Variants in GATAD2A observed in about 807,000 individuals in gnomAD.
GATAD2A encodes GATA zinc finger domain containing 2A.
A neutral mutation model predicts 68.5 loss-of-function variants in GATAD2A; 12 were observed. The ratio of observed to expected loss-of-function variants is 0.18; its 90% CI spans 0.11 to 0.28. GATAD2A has a LOEUF of 0.28. GATAD2A is among the 10% of genes least tolerant of loss of function. The pLI is 1.00. For missense variants in GATAD2A, 755 were observed against 868.5 expected (o/e 0.87, Z 1.64); for synonymous variants, 410 against 375.3 (o/e 1.09, Z -1.07).
At chr19:19,500,489 C>T (rs754295162) in intron 8 of GATAD2A, among the ~76,000 whole-genome samples, 2 of 152,246 alleles carry the variant, frequency 1.3e-5, no homozygotes, top group Admixed American at 6.5e-5. Context: ...CCAGACCTCA[C>T]GCCCGAGCAC....
In GATAD2A at chr19:19,507,711, G is replaced by C. The variant is rs2060925777; in HGVS notation, c.*2237G>C. ...GGAGAGGGTCGGCCCCATGTCCCCA[G>C]GGAGCATTCCATCAGGGACAACGTA... On this transcript the variant is annotated 3_prime_UTR_variant, in exon 12 of 12. Coordinates refer to ENST00000683918, the MANE Select transcript of GATAD2A (RefSeq NM_001384528.1). The C allele has an allele frequency of 6.6e-6, 1 of 152,138 alleles. No homozygotes were observed. The highest frequency in any genetic ancestry group is 1.5e-5 in the Non-Finnish European group (1 of 68,044). 9.4% of individuals were successfully genotyped at this position (152,138 alleles called of 1,614,324 possible).
At chr19:19,393,130 C>A (rs749136700) in intron 1 of GATAD2A, among the ~76,000 whole-genome samples, 18 of 152,088 alleles carry the variant, frequency 1.2e-4, no homozygotes, top group South Asian at 2.1e-4. Context: ...AATGGCAAAA[C>A]CCTGTCTACT....
chr19:19,397,815 T>G (rs2049376386), intron 1 of GATAD2A, among the ~76,000 whole-genome samples: 1 of 152,048 alleles, frequency 6.6e-6, no homozygotes, highest in Non-Finnish European at 1.5e-5. Flanking sequence ...TTTGAACTCT[T>G]AGGCCCAAGC....
rs774088762 is a variant in GATAD2A, at chr19:19,502,494, C to G, written c.1742C>G (p.Thr581Ser). 6.2e-7 allele frequency: 1 copy of G among 1,612,902 alleles called. No individual in the cohort carries two copies. Among genetic ancestry groups the G allele is most frequent in the African/African-American group, 1.3e-5 (1 of 74,934 alleles). The change falls in exon 11 of 12, where the codon ACC (threonine) becomes AGC (serine). Residue 581 changes from threonine to serine, a missense_variant. Physicochemically the swap from Thr to Ser is moderately conservative, Grantham distance 58. Transcript: ENST00000683918. ...RTVSAGKGSATSNWKKTPLST... is the reference protein window; with the variant it reads ...RTVSAGKGSASSNWKKTPLST... ...GTGAGCGCCGGCAAGGGCAGCGCCA[C>G]CTCCAACTGGAAGAAGACGCCCCTC...
In GATAD2A at chr19:19,449,264, C is replaced by T. The variant is rs568009518; in HGVS notation, c.-6-16076C>T. 1.1e-4 allele frequency among the ~76,000 whole-genome samples: 17 copies of T among 152,206 alleles called. No individual in the cohort carries two copies. In the South Asian group the frequency reaches 3.5e-3, roughly 32 times the overall value. On this transcript the variant is annotated intron_variant, in intron 1 of 11. Transcript: ENST00000683918. ...TCTATTTTCTAGAGACAACTTATGC[C>T]CAAAACAGCTTTGCTCTGCACAGGG...
intron 1 of GATAD2A, among the ~76,000 whole-genome samples, chr19:19,388,658 C>T (rs1329581039): frequency 6.6e-6 from 1 of 151,908 alleles, no homozygotes; most frequent in African/African-American, 2.4e-5. Flanking sequence ...TTTGTGAAGA[C>T]AAAAGGGACA....
rs907836227 is a variant in GATAD2A at position 19,492,687 on chromosome 19, T to C, written c.509T>C (p.Ile170Thr). 4.3e-6 allele frequency: 7 copies of C among 1,614,146 alleles called. No homozygotes were observed. Among genetic ancestry groups the C allele is most frequent in the Non-Finnish European group, 5.9e-6 (7 of 1,180,028 alleles). ...VLLKKLRQSQIQKEATAQKPT... is the reference protein window; with the variant it reads ...VLLKKLRQSQTQKEATAQKPT... ...TTGAAAAAGTTGCGGCAGAGTCAAA[T>C]ACAAAAGGAAGCCACCGCCCAGAAG... The change falls in exon 4 of 12, where the codon ATA (isoleucine) becomes ACA (threonine). Residue 170 changes from isoleucine to threonine, a missense_variant. Physicochemically the swap from Ile to Thr is moderately conservative, Grantham distance 89. Coordinates refer to ENST00000683918, the MANE Select transcript of GATAD2A (RefSeq NM_001384528.1).
chr19:19,482,387 G>A (rs974741627), intron 2 of GATAD2A, among the ~76,000 whole-genome samples: 7 of 152,212 alleles, frequency 4.6e-5, no homozygotes, highest in African/African-American at 1.7e-4. Flanking sequence ...CTGGGCAATA[G>A]AGGGAGACGC....
Position 19,498,753 on chromosome 19 carries a change from C to T in GATAD2A, c.1204+31C>T. ...TGGCCTGGACCCAGCCGGGCTGCTTCCGCCTCTGGCCTCCAAGGGTGCTGC... is the reference window on the plus strand; with the variant it reads ...TGGCCTGGACCCAGCCGGGCTGCTTTCGCCTCTGGCCTCCAAGGGTGCTGC... On this transcript the variant is annotated intron_variant, in intron 8 of 11. Transcript: ENST00000683918. The T allele has an allele frequency of 1.9e-6, 3 of 1,567,974 alleles. No homozygotes were observed. In the South Asian group the frequency reaches 3.5e-5, roughly 18 times the overall value.
At chr19:19,406,128 C>T (rs1032598835) in intron 1 of GATAD2A, 109 bp downstream of exon 1, 4 of 151,858 alleles carry the variant, frequency 2.6e-5, no homozygotes, top group African/African-American at 7.3e-5. Flanking sequence ...CTGAAGGACC[C>T]CTGCATGAGC....
intron 2 of GATAD2A, among the ~76,000 whole-genome samples, chr19:19,481,468 C>G (rs566729923): frequency 1.3e-5 from 2 of 152,284 alleles, no homozygotes; most frequent in Admixed American, 1.3e-4. Flanking sequence ...GTAGCTGGGA[C>G]TACAGGTGCT....
intron 2 of GATAD2A, 75 bp downstream of exon 2, chr19:19,465,689 A>G (rs2057811533): frequency 1.3e-6 from 2 of 1,498,746 alleles, no homozygotes; most frequent in African/African-American, 1.4e-5. Context: ...GGCTGGCCAC[A>G]CTCCAGGCCT....
chr19:19,445,554 C>T (rs2055607748), intron 1 of GATAD2A, among the ~76,000 whole-genome samples: 1 of 152,166 alleles, frequency 6.6e-6, no homozygotes, highest in Non-Finnish European at 1.5e-5. Context: ...AACCTTGTCC[C>T]CATTAGCAGT....
chr19:19,403,454 T>C (rs574626723), upstream of GATAD2A, among the ~76,000 whole-genome samples: 2 of 152,252 alleles, frequency 1.3e-5, no homozygotes, highest in South Asian at 4.1e-4. Context: ...CGTCCGACTT[T>C]CCTGGCTGAG....
chr19:19,436,185 A>C, intron 1 of GATAD2A: 2 of 1,366,318 alleles, frequency 1.5e-6, no homozygotes, highest in Non-Finnish European at 2.0e-6. Context: ...GCCATGGCCA[A>C]CTGGTAGGAC....
Position 19,443,280 on chromosome 19 carries a change from C to T in GATAD2A, c.-6-22060C>T, listed in dbSNP as rs117959931. On this transcript the variant is annotated intron_variant, in intron 1 of 11. Transcript: ENST00000683918. ...AGTGTCCTGTGCTTCCACAGGGACA[C>T]GCACTCACCAAGCCTCAAGGTCTAG... Among the ~76,000 whole-genome samples, 549 of 152,254 alleles carry T rather than the reference C, an allele frequency of 3.6e-3. 1 individual carries two copies. The highest frequency in any genetic ancestry group is 5.3e-3 in the Non-Finnish European group (361 of 68,028).
At chr19:19,413,510 TAGTC>T (rs1190469493) in intron 1 of GATAD2A, among the ~76,000 whole-genome samples, 3 of 152,136 alleles carry the variant, frequency 2.0e-5, no homozygotes, top group African/African-American at 7.2e-5. Context: ...GAGGATTCTG[TAGTC>T]AGCTCCTTTC....
chr19:19,432,447 A>G (rs2053857702), intron 1 of GATAD2A, among the ~76,000 whole-genome samples: 1 of 152,172 alleles, frequency 6.6e-6, no homozygotes. Context: ...GATTACAGGC[A>G]TATGCCATCA....
rs1164859532 is a variant in GATAD2A at position 19,507,504 on chromosome 19, C to T, written c.*2030C>T. On this transcript the variant is annotated 3_prime_UTR_variant, in exon 12 of 12. Coordinates refer to ENST00000683918, the MANE Select transcript of GATAD2A (RefSeq NM_001384528.1). ...GATCAGGCATCCAGACCGAAGTCACCTCTGCCTGCTCCAGCTTGGGTCAGC... is the reference window on the plus strand; with the variant it reads ...GATCAGGCATCCAGACCGAAGTCACTTCTGCCTGCTCCAGCTTGGGTCAGC... 1 of 152,156 alleles carries T rather than the reference C, an allele frequency of 6.6e-6. No individual in the cohort carries two copies. The highest frequency in any genetic ancestry group is 1.5e-5 in the Non-Finnish European group (1 of 68,056). The allele number at this position is 152,156 out of a possible 1,614,324, so 9.4% of individuals were successfully genotyped here. A position where few individuals can be genotyped will look rare whatever the true frequency, so the allele number is the denominator to read the frequency against.
Sources: allele counts gnomAD v4.1 joint callset (sites outside exome capture counted in the v4.1 genomes callset), GRCh38; gene constraint gnomAD v4.1.1; transcripts MANE v1.5; gene names NCBI Gene and HGNC (gene_info 2026-07-23, HGNC 2026-07-21).